Variants in CLDN14 observed in about 807,000 individuals in gnomAD.
The protein encoded by CLDN14 is claudin 14, also known as claudin-14.
A neutral mutation model predicts 2.1 loss-of-function variants in CLDN14; 2 were observed. That is an observed-to-expected ratio of 0.96 (90% CI 0.39 to 3.01). The LOEUF (loss-of-function observed/expected upper bound fraction) is 3.01. Among genes scored for constraint, CLDN14 ranks in the 30% most tolerant of loss-of-function variants. The pLI, the probability that CLDN14 is intolerant of heterozygous loss-of-function variation, is 0.09. For missense variants in CLDN14, 298 were observed against 328.0 expected (o/e 0.91, Z 0.71); for synonymous variants, 136 against 154.4 (o/e 0.88, Z 0.88).
chr21:36,549,960 A>G (rs111425381), intron 1 of CLDN14, among the ~76,000 whole-genome samples: 8,588 of 152,282 alleles, frequency 0.056, 259 homozygotes, highest in Middle Eastern at 0.1. Flanking sequence ...CTGTGATTGC[A>G]GCTGGAATGA....
At chr21:36,510,919 C>T (rs892342846) in intron 1 of CLDN14, among the ~76,000 whole-genome samples, 2 of 152,226 alleles carry the variant, frequency 1.3e-5, no homozygotes, top group Non-Finnish European at 2.9e-5. Flanking sequence ...CCCTGGTCTA[C>T]TTATTAAGAA....
At chr21:36,536,263 C>T (rs1315785429) in intron 1 of CLDN14, among the ~76,000 whole-genome samples, 14 of 152,118 alleles carry the variant, frequency 9.2e-5, no homozygotes, top group African/African-American at 4.8e-5. Context: ...CAGGGAAGGC[C>T]GAGGGAGACA....
At chr21:36,523,840 A>AAAGAAAGAAAGAAAGT (rs1568869011) in intron 1 of CLDN14, among the ~76,000 whole-genome samples, 7 of 145,742 alleles carry the variant, frequency 4.8e-5, no homozygotes, top group African/African-American at 1.5e-4. Flanking sequence ...AGAAAGAAAG[A>AAAGAAAGAAAGAAAGT]AAGTGGATTC....
At position 36,571,107 on chromosome 21, in the gene CLDN14, T is replaced by A. The variant is rs189855300; in HGVS notation, c.-220+5304A>T. On this transcript the variant is annotated intron_variant, in intron 1 of 2. Coordinates refer to the CLDN14 transcript ENST00000342108. ...TGCCTGCCTCAGCCTCCGAAAGTGC[T>A]GGGATTACAGGCGTGAGCCGCCGTG... Among the ~76,000 whole-genome samples the A allele has an allele frequency of 3.3e-5, 5 of 152,388 alleles. No homozygotes were observed. In the East Asian group the frequency reaches 9.6e-4, roughly 29 times the overall value.
chr21:36,523,840 A>AAAGAAAGAAAGT (rs1568869011), intron 1 of CLDN14, among the ~76,000 whole-genome samples: 6 of 145,742 alleles, frequency 4.1e-5, no homozygotes, highest in African/African-American at 1.5e-4. Context: ...AGAAAGAAAG[A>AAAGAAAGAAAGT]AAGTGGATTC....
intron 1 of CLDN14, chr21:36,542,499 G>A (rs1041624772): frequency 6.6e-6 from 1 of 152,290 alleles, no homozygotes; most frequent in Non-Finnish European, 1.5e-5. Context: ...TACAGCCTGA[G>A]CCAGATTCCA....
chr21:36,516,836 A>G (rs1470142800), intron 1 of CLDN14, among the ~76,000 whole-genome samples: 1 of 152,038 alleles, frequency 6.6e-6, no homozygotes, highest in African/African-American at 2.4e-5. Context: ...ATTTTATTTT[A>G]CTTTATTTTA....
intron 2 of CLDN14, among the ~76,000 whole-genome samples, chr21:36,508,066 T>C (rs2087149533): frequency 6.6e-6 from 1 of 152,190 alleles, no homozygotes; most frequent in Non-Finnish European, 1.5e-5. Flanking sequence ...GGAAGGAGAT[T>C]GTCTTTGGAG....
At chr21:36,573,259 C>T (rs1180126660) in intron 1 of CLDN14, among the ~76,000 whole-genome samples, 1 of 141,706 alleles carries the variant, frequency 7.1e-6, no homozygotes, top group Non-Finnish European at 1.5e-5. Flanking sequence ...AGAGATCATG[C>T]CAATGCACTC....
chr21:36,517,865 G>T (rs942716626), intron 1 of CLDN14, among the ~76,000 whole-genome samples: 2 of 152,100 alleles, frequency 1.3e-5, no homozygotes, highest in African/African-American at 4.8e-5. Flanking sequence ...AATGTGGGTG[G>T]GGCTCACCCA....
intron 2 of CLDN14, among the ~76,000 whole-genome samples, chr21:36,490,349 G>A (rs1279746853): frequency 2.0e-5 from 3 of 151,078 alleles, no homozygotes; most frequent in Non-Finnish European, 2.9e-5. Flanking sequence ...GACTACAGGT[G>A]CGAACCACCA....
rs1167955774 is a variant in CLDN14, at chr21:36,461,632, A to G, written c.64T>C (p.Leu22=). The part of the protein sequence containing the change: ...LLSFLGMVGT[L]ITTILPHWRR... Reference sequence around the variant, plus strand: ...CAGTGCGGCAGGATGGTGGTGATCAACGTGCCCACCATGCCCAGGAAGCTG... The same window carrying G: ...CAGTGCGGCAGGATGGTGGTGATCAGCGTGCCCACCATGCCCAGGAAGCTG... Residue 22 remains leucine (L), a synonymous_variant, in exon 2 of 2, where the codon TTG becomes CTG. Transcript: ENST00000399135. The G allele has an allele frequency of 1.0e-5, 16 of 1,587,348 alleles. No homozygotes were observed. Among genetic ancestry groups the G allele is most frequent in the Non-Finnish European group, 1.4e-5 (16 of 1,167,548 alleles).
chr21:36,481,513 C>T (rs577816579), upstream of CLDN14, among the ~76,000 whole-genome samples: 1 of 152,138 alleles, frequency 6.6e-6, no homozygotes, highest in African/African-American at 2.4e-5. Flanking sequence ...TCTTGGCATT[C>T]GTTGTGTATT....
chr21:36,501,602 TCTC>T (rs955154360), intron 2 of CLDN14, among the ~76,000 whole-genome samples: 3 of 152,006 alleles, frequency 2.0e-5, no homozygotes, highest in Admixed American at 2.0e-4. Flanking sequence ...TCCTTGAAGA[TCTC>T]CTCGCTACTG....
At chr21:36,483,123 C>T (rs562939191), upstream of CLDN14, among the ~76,000 whole-genome samples, 87 of 152,338 alleles carry the variant, frequency 5.7e-4, no homozygotes, top group Admixed American at 1.6e-3. Flanking sequence ...CCTACCACTA[C>T]GCTGCCTCAT....
chr21:36,467,571 A>G (rs1358887783), intron 1 of CLDN14, among the ~76,000 whole-genome samples: 3 of 152,000 alleles, frequency 2.0e-5, no homozygotes, highest in Non-Finnish European at 2.9e-5. Flanking sequence ...GACTGTGCCA[A>G]AGTGATTTTA....
chr21:36,472,724 G>A (rs1434915477), intron 1 of CLDN14, among the ~76,000 whole-genome samples: 2 of 152,178 alleles, frequency 1.3e-5, no homozygotes, highest in Non-Finnish European at 2.9e-5. Flanking sequence ...CCAAGACCAA[G>A]GTTCTGGCTG....
At chr21:36,566,240 T>A (rs546979963) in intron 1 of CLDN14, among the ~76,000 whole-genome samples, 2 of 152,346 alleles carry the variant, frequency 1.3e-5, no homozygotes, top group Non-Finnish European at 2.9e-5. Flanking sequence ...ACTAATTTGA[T>A]GATAACAAGG....
chr21:36,461,736 G>A lies in CLDN14; in HGVS notation c.-41C>T, dbSNP rs1212482847. 1 of 1,541,982 alleles carries A rather than the reference G, an allele frequency of 6.5e-7. No homozygotes were observed. Among genetic ancestry groups the A allele is most frequent in the Non-Finnish European group, 8.7e-7 (1 of 1,145,092 alleles). ...CTAGGCCAGCCGGGCAGCTCCCTGG[G>A]CCCTCGGGGTCACGCCGCTCCTCAG... is the stretch of plus-strand genomic sequence containing the variant. On this transcript the variant is annotated 5_prime_UTR_variant, in exon 2 of 2. Transcript: ENST00000399135.
Sources: gnomAD v4.1 joint callset for allele counts (sites outside exome capture counted in the v4.1 genomes callset) on GRCh38, gnomAD v4.1.1 for gene constraint, MANE v1.5 for transcripts, NCBI Gene and HGNC (gene_info 2026-07-23, HGNC 2026-07-21) for gene names.